The following NAV3 variants were observed in gnomAD, a reference collection of about 807,000 sequenced individuals.
NAV3 encodes the protein neuron navigator 3.
Under a neutral mutation model 244.7 loss-of-function variants are expected in NAV3, and 87 were observed. The observed-to-expected ratio is 0.36, with a 90% CI of 0.30 to 0.42. NAV3 has a LOEUF of 0.42. Ranked by LOEUF, NAV3 falls within the 20% of genes least tolerant of loss-of-function variation. The pLI is 1.00. For synonymous variants in NAV3, 1,126 were observed against 1,042.2 expected, an observed-to-expected ratio of 1.08 and a Z score of -1.55; for missense variants, 2,663 against 2,893.3, an observed-to-expected ratio of 0.92 and a Z score of 1.83.
chr12:78,048,297 T>C (rs1882176555), intron 9 of NAV3, among the ~76,000 whole-genome samples: 1 of 152,194 alleles, frequency 6.6e-6, no homozygotes. Context: ...AGAGGCATTC[T>C]GGTTTTTGGA....
intron 12 of NAV3, among the ~76,000 whole-genome samples, chr12:78,069,154 G>A (rs1215301269): frequency 6.6e-6 from 1 of 151,648 alleles, no homozygotes. Context: ...TTTTTTTCTT[G>A]CTTGACTTAA....
chr12:77,730,760 G>C lies in NAV3; in HGVS notation c.72+158494G>C, dbSNP rs1211768371. Among the ~76,000 whole-genome samples the C allele has an allele frequency of 2.0e-5, 3 of 150,654 alleles. No homozygotes were observed. In the South Asian group the frequency reaches 6.3e-4, roughly 32 times the overall value. ...AGTGCCCATTGAATGGGATGGCATAGTGCTTTTTTCTTTTTTTTTTTTTTA... is the reference window on the plus strand; with the variant it reads ...AGTGCCCATTGAATGGGATGGCATACTGCTTTTTTCTTTTTTTTTTTTTTA... On this transcript the variant is annotated intron_variant, in intron 2 of 8. Transcript: ENST00000550042.
intron 12 of NAV3, among the ~76,000 whole-genome samples, chr12:78,092,469 C>T (rs940646684): frequency 7.1e-6 from 1 of 140,750 alleles, no homozygotes; most frequent in East Asian, 2.1e-4. Context: ...TCATTTCACC[C>T]TTTGAAAGCG....
At chr12:78,077,103 G>A (rs146022102) in intron 12 of NAV3, among the ~76,000 whole-genome samples, 91 of 152,062 alleles carry the variant, frequency 6.0e-4, no homozygotes, top group African/African-American at 2.1e-3. Context: ...ACAATTATAT[G>A]TATGGACCTT....
intron 2 of NAV3, among the ~76,000 whole-genome samples, chr12:77,585,036 G>A (rs1869535324): frequency 6.6e-6 from 1 of 152,206 alleles, no homozygotes; most frequent in Non-Finnish European, 1.5e-5. Context: ...ACACATCCAA[G>A]ACAAGATAAA....
chr12:77,745,255 A>C (rs929870105), intron 2 of NAV3, among the ~76,000 whole-genome samples: 1 of 152,096 alleles, frequency 6.6e-6, no homozygotes, highest in Non-Finnish European at 1.5e-5. Flanking sequence ...TCTGCATGCA[A>C]CTGAGGTTTT....
intron 2 of NAV3, among the ~76,000 whole-genome samples, chr12:77,747,175 T>C (rs1044387451): frequency 4.6e-5 from 7 of 152,200 alleles, no homozygotes; most frequent in African/African-American, 1.4e-4. Flanking sequence ...AGATAAATTT[T>C]ACTGTTTGCC....
At position 77,691,360 on chromosome 12, in the gene NAV3, T is replaced by TATATATATATGTATAC. The variant is rs60932712; in HGVS notation, c.72+119094_72+119095insATATATATATGTATAC. ...GTGTATATATATATATATATACATA[T>TATATATATATGTATAC]CCATTCTTGTACTTTTTCTGCTCAA... On this transcript the variant is annotated intron_variant, in intron 2 of 8. Transcript: ENST00000550042. Among the ~76,000 whole-genome samples, 7 of 134,834 alleles carry TATATATATATGTATAC rather than the reference T, an allele frequency of 5.2e-5. No homozygotes were observed. In the Admixed American group the frequency reaches 5.2e-4, roughly 10 times the overall value. 88.5% of individuals were successfully genotyped at this position (134,834 alleles called of 152,430 possible). A position where few individuals can be genotyped will look rare whatever the true frequency, so the allele number is the denominator to read the frequency against.
At chr12:77,990,414 C>T (rs1871254028) in intron 5 of NAV3, among the ~76,000 whole-genome samples, 1 of 150,896 alleles carries the variant, frequency 6.6e-6, no homozygotes, top group South Asian at 2.1e-4. Context: ...AAGGACCTGG[C>T]ATCTCATTGT....
At chr12:77,629,789 C>A (rs1044197688) in intron 2 of NAV3, among the ~76,000 whole-genome samples, 1 of 152,144 alleles carries the variant, frequency 6.6e-6, no homozygotes. Context: ...ATTCTGCTTG[C>A]TACTTCTGCC....
chr12:77,747,705 A>G (rs1044677681), intron 2 of NAV3, among the ~76,000 whole-genome samples: 128 of 152,246 alleles, frequency 8.4e-4, no homozygotes, highest in Admixed American at 1.6e-3. Context: ...AAGCAGCCAT[A>G]AAAAATGATG....
At chr12:77,622,116 G>A (rs1185541707) in intron 2 of NAV3, among the ~76,000 whole-genome samples, 1 of 151,956 alleles carries the variant, frequency 6.6e-6, no homozygotes, top group African/African-American at 2.4e-5. Context: ...AATAGAAAAG[G>A]CAGGAAACTC....
At chr12:77,747,631 C>G (rs547946760) in intron 2 of NAV3, among the ~76,000 whole-genome samples, 2 of 152,278 alleles carry the variant, frequency 1.3e-5, no homozygotes, top group South Asian at 2.1e-4. Flanking sequence ...TTGGAACCAA[C>G]CCAAATGTCC....
chr12:77,943,007 A>G lies in NAV3; in HGVS notation c.414+1874A>G, dbSNP rs112002842. ...TCTAGAAACTCTTACCTACTTGGCT[A>G]TCATTCCAATTTGATTCTGGGATTA... On this transcript the variant is annotated intron_variant, in intron 3 of 39. Coordinates refer to ENST00000397909, the MANE Select transcript of NAV3 (RefSeq NM_001024383.2). Among the ~76,000 whole-genome samples the G allele has an allele frequency of 2.4e-3, 363 of 152,308 alleles. 6 individuals carry two copies. Among genetic ancestry groups the G allele is most frequent in the African/African-American group, 7.8e-3 (323 of 41,592 alleles).
At position 77,733,847 on chromosome 12, in the gene NAV3, T is replaced by TC. The variant is rs1877224895; in HGVS notation, c.72+161581_72+161582insC. Among the ~76,000 whole-genome samples, 3 of 151,406 alleles carry TC rather than the reference T, an allele frequency of 2.0e-5. No individual in the cohort carries two copies. In the South Asian group the frequency reaches 6.3e-4, roughly 32 times the overall value. ...GACTTGGTTTAGATTTTTTTTTTTT[T>TC]TTTTTTTTTTGCAAGAGGTTGATTT... On this transcript the variant is annotated intron_variant, in intron 2 of 8. Coordinates refer to the NAV3 transcript ENST00000550042.
At chr12:77,697,822 G>A (rs1042865398) in intron 2 of NAV3, among the ~76,000 whole-genome samples, 2 of 152,190 alleles carry the variant, frequency 1.3e-5, no homozygotes, top group Non-Finnish European at 2.9e-5. Flanking sequence ...TGAGAAAATA[G>A]ATGTGTGAAC....
At chr12:78,157,284 C>A (rs1015117644) in intron 22 of NAV3, among the ~76,000 whole-genome samples, 8 of 151,766 alleles carry the variant, frequency 5.3e-5, no homozygotes, top group African/African-American at 1.9e-4. Flanking sequence ...GTGGCTCACA[C>A]CTATAATCCC....
At chr12:77,701,317 G>C (rs1341384583) in intron 2 of NAV3, among the ~76,000 whole-genome samples, 1 of 151,940 alleles carries the variant, frequency 6.6e-6, no homozygotes, top group Non-Finnish European at 1.5e-5. Flanking sequence ...AATCAAAGTT[G>C]TCAAATTTAT....
intron 3 of NAV3, among the ~76,000 whole-genome samples, chr12:77,946,258 T>TGC (rs60482300): frequency 1.4e-5 from 2 of 146,568 alleles, no homozygotes; most frequent in African/African-American, 5.1e-5. Flanking sequence ...TGTGTGTGTG[T>TGC]GCGCGTGCAC....
Sources: gnomAD v4.1 joint callset for allele counts (sites outside exome capture counted in the v4.1 genomes callset) on GRCh38, gnomAD v4.1.1 for gene constraint, MANE v1.5 for transcripts, NCBI Gene and HGNC (gene_info 2026-07-23, HGNC 2026-07-21) for gene names.